Variants in MCTP1 observed in about 807,000 individuals in gnomAD.
MCTP1 encodes the protein multiple C2 and transmembrane domain-containing protein 1.
Under a neutral mutation model 120.6 loss-of-function variants are expected in MCTP1, and 69 were observed. The observed-to-expected ratio is 0.57, with a 90% CI of 0.47 to 0.70. MCTP1 has a LOEUF of 0.70. Ranked by LOEUF, MCTP1 falls within the 30% of genes least tolerant of loss-of-function variation. The probability of loss-of-function intolerance (pLI) is 0.00; values close to 1 mark genes in which losing one functional copy is unlikely to be tolerated. For synonymous variants in MCTP1, 529 were observed against 493.1 expected, an observed-to-expected ratio of 1.07 and a Z score of -0.96; for missense variants, 1,203 against 1,248.8, an observed-to-expected ratio of 0.96 and a Z score of 0.55.
At position 95,013,133 on chromosome 5, in the gene MCTP1, A is replaced by G. The variant is rs569744096; in HGVS notation, c.838+4234T>C. On this transcript the variant is annotated intron_variant, in intron 2 of 22. Transcript: ENST00000515393. ...CTGGATAGAAGATCAAACTAGCCAC[A>G]ACGTTCCCTTAAACCAAAGCCTAAT... 5.3e-5 allele frequency among the ~76,000 whole-genome samples: 8 copies of G among 152,262 alleles called. No homozygotes were observed. In the South Asian group the frequency reaches 6.2e-4, roughly 12 times the overall value.
At chr5:94,974,858 C>G (rs1380211450) in intron 2 of MCTP1, among the ~76,000 whole-genome samples, 1 of 151,986 alleles carries the variant, frequency 6.6e-6, no homozygotes, top group Non-Finnish European at 1.5e-5. Flanking sequence ...TAATTTCAAG[C>G]AATTATATTA....
At chr5:94,959,939 C>G (rs1345431317) in intron 2 of MCTP1, among the ~76,000 whole-genome samples, 4 of 151,926 alleles carry the variant, frequency 2.6e-5, no homozygotes, top group African/African-American at 9.7e-5. Context: ...TATATGGAAC[C>G]AAAAAAGAGC....
In MCTP1 at chr5:94,703,708, T is replaced by G. The variant is rs894393571; in HGVS notation, c.*3788A>C. On this transcript the variant is annotated 3_prime_UTR_variant, in exon 23 of 23. Coordinates refer to ENST00000515393, the MANE Select transcript of MCTP1 (RefSeq NM_024717.7). The stretch of plus-strand genomic sequence containing the variant: ...TTTGAGGTCAGTTACAATATTTGAT[T>G]GTTTTTATTTTTTGATTCTTAACCC... The G allele has an allele frequency of 5.3e-5, 8 of 151,412 alleles. No individual in the cohort carries two copies. The South Asian group carries it at 6.2e-4, about 12-fold the overall frequency. 9.4% of individuals were successfully genotyped at this position (151,412 alleles called of 1,614,324 possible). A position where few individuals can be genotyped will look rare whatever the true frequency, so the allele number is the denominator to read the frequency against.
chr5:95,225,039 A>C (rs1380848800), intron 1 of MCTP1, among the ~76,000 whole-genome samples: 1 of 152,228 alleles, frequency 6.6e-6, no homozygotes, highest in Admixed American at 6.5e-5. Flanking sequence ...GTAAAACCTA[A>C]AGATTAAACC....
intron 17 of MCTP1, among the ~76,000 whole-genome samples, chr5:94,843,170 G>C (rs944724800): frequency 6.6e-6 from 1 of 151,254 alleles, no homozygotes; most frequent in African/African-American, 2.4e-5. Flanking sequence ...TACATACAAA[G>C]CCCTCTACCA....
At chr5:94,977,148 A>C (rs1828295177) in intron 2 of MCTP1, among the ~76,000 whole-genome samples, 2 of 152,074 alleles carry the variant, frequency 1.3e-5, no homozygotes, top group Non-Finnish European at 2.9e-5. Context: ...TCAACATACA[A>C]AATCAATTGC....
intron 1 of MCTP1, among the ~76,000 whole-genome samples, chr5:95,103,549 G>A (rs1399662040): frequency 6.6e-6 from 1 of 152,188 alleles, no homozygotes; most frequent in Non-Finnish European, 1.5e-5. Context: ...AAAAGTCAGT[G>A]AGGAGCCATT....
At chr5:95,145,754 CTAAT>C (rs1760333994) in intron 1 of MCTP1, among the ~76,000 whole-genome samples, 1 of 152,042 alleles carries the variant, frequency 6.6e-6, no homozygotes, top group African/African-American at 2.4e-5. Flanking sequence ...TTGATCATGA[CTAAT>C]TAACTTTTGA....
At chr5:95,141,591 A>G (rs1001860503) in intron 1 of MCTP1, among the ~76,000 whole-genome samples, 19 of 152,198 alleles carry the variant, frequency 1.2e-4, no homozygotes, top group Non-Finnish European at 1.3e-4. Flanking sequence ...CGAAGTGTCA[A>G]AAGAATGCCT....
chr5:94,772,872 G>A (rs1318850148), intron 19 of MCTP1, among the ~76,000 whole-genome samples: 1 of 152,174 alleles, frequency 6.6e-6, no homozygotes, highest in Admixed American at 6.5e-5. Flanking sequence ...CAGAAAAGTT[G>A]AGTGGTAGGT....
At chr5:94,824,475 A>G (rs2153115523) in intron 17 of MCTP1, among the ~76,000 whole-genome samples, 2 of 151,164 alleles carry the variant, frequency 1.3e-5, no homozygotes, top group South Asian at 4.2e-4. Context: ...TTCGCACCTC[A>G]GGAATATTAG....
chr5:95,162,306 A>C (rs900086338), intron 1 of MCTP1, among the ~76,000 whole-genome samples: 1 of 152,228 alleles, frequency 6.6e-6, no homozygotes, highest in East Asian at 1.9e-4. Context: ...ATCACTTACC[A>C]GAAGACAACA....
intron 2 of MCTP1, among the ~76,000 whole-genome samples, chr5:94,964,176 T>C (rs1825040383): frequency 6.6e-6 from 1 of 152,230 alleles, no homozygotes; most frequent in Non-Finnish European, 1.5e-5. Flanking sequence ...ATACTGGTTA[T>C]ACTGTGGCTT....
intron 17 of MCTP1, among the ~76,000 whole-genome samples, chr5:94,853,861 G>A (rs900071369): frequency 7.2e-5 from 11 of 151,766 alleles, no homozygotes; most frequent in East Asian, 1.9e-4. Flanking sequence ...CCTTATTCCC[G>A]CCTCTGGATA....
chr5:95,135,798 A>G (rs1394184687), intron 1 of MCTP1, among the ~76,000 whole-genome samples: 3 of 152,216 alleles, frequency 2.0e-5, no homozygotes, highest in Admixed American at 6.5e-5. Flanking sequence ...TGTCTGTCCT[A>G]TTAGTTCTGT....
At chr5:95,176,953 C>G (rs2152507354) in intron 1 of MCTP1, among the ~76,000 whole-genome samples, 1 of 151,956 alleles carries the variant, frequency 6.6e-6, no homozygotes, top group Admixed American at 6.6e-5. Flanking sequence ...CAAGCTCAGC[C>G]TCCTGGGTTC....
intron 10 of MCTP1, among the ~76,000 whole-genome samples, chr5:94,899,406 C>G (rs927445490): frequency 1.3e-5 from 2 of 152,234 alleles, no homozygotes; most frequent in African/African-American, 4.8e-5. Flanking sequence ...CCTCATGGGT[C>G]TCCCACCTAG....
intron 1 of MCTP1, among the ~76,000 whole-genome samples, chr5:95,213,689 G>C (rs1314597441): frequency 6.6e-6 from 1 of 151,458 alleles, no homozygotes; most frequent in Non-Finnish European, 1.5e-5. Context: ...GAACAGAACA[G>C]AGCCCTCAGA....
intron 1 of MCTP1, among the ~76,000 whole-genome samples, chr5:95,178,517 T>A (rs1223386891): frequency 2.0e-5 from 3 of 152,130 alleles, no homozygotes; most frequent in Admixed American, 1.3e-4. Context: ...CAGACATTCC[T>A]TAGTACCAGC....
Sources: allele counts gnomAD v4.1 joint callset (sites outside exome capture counted in the v4.1 genomes callset), GRCh38; gene constraint gnomAD v4.1.1; transcripts MANE v1.5; gene names NCBI Gene and HGNC (gene_info 2026-07-23, HGNC 2026-07-21).